DOCK4: variants seen among roughly 807,000 people sequenced by gnomAD.
DOCK4 encodes dedicator of cytokinesis 4.
DOCK4 carries 97 observed loss-of-function variants against 268.1 expected under a neutral mutation model. That is an observed-to-expected ratio of 0.36 (90% CI 0.31 to 0.43). The LOEUF is 0.43. DOCK4 is among the 20% of genes least tolerant of loss of function. The probability of loss-of-function intolerance (pLI) is 1.00; values close to 1 mark genes in which losing one functional copy is unlikely to be tolerated. For missense variants in DOCK4, 2,145 were observed against 2,455.7 expected (o/e 0.87, Z 2.67); for synonymous variants, 954 against 887.2 (o/e 1.08, Z -1.34).
At chr7:111,888,990 G>C (rs1188760972) in intron 16 of DOCK4, among the ~76,000 whole-genome samples, 2 of 152,058 alleles carry the variant, frequency 1.3e-5, no homozygotes, top group Non-Finnish European at 2.9e-5. Flanking sequence ...AAGCAAGTCA[G>C]GTCTCACTTA....
intron 1 of DOCK4, among the ~76,000 whole-genome samples, chr7:112,098,409 C>T (rs1027945559): frequency 6.6e-6 from 1 of 151,828 alleles, no homozygotes; most frequent in Non-Finnish European, 1.5e-5. Context: ...AAACTCCTGA[C>T]CTCATGAGCC....
chr7:111,907,887 C>T (rs1397985660), intron 13 of DOCK4, among the ~76,000 whole-genome samples: 1 of 152,046 alleles, frequency 6.6e-6, no homozygotes, highest in Non-Finnish European at 1.5e-5. Context: ...CGCCACCATG[C>T]CTGGCTAATT....
At chr7:112,039,592 T>C (rs1481725951) in intron 1 of DOCK4, among the ~76,000 whole-genome samples, 1 of 152,038 alleles carries the variant, frequency 6.6e-6, no homozygotes, top group Non-Finnish European at 1.5e-5. Flanking sequence ...TGCTGACCAC[T>C]TGCCCCCCGA....
intron 1 of DOCK4, among the ~76,000 whole-genome samples, chr7:112,191,051 G>T (rs192007143): frequency 7.0e-4 from 107 of 152,184 alleles, no homozygotes; most frequent in African/African-American, 1.9e-3. Context: ...TACCTTCTAG[G>T]CATCCCTGTT....
chr7:112,019,949 C>T (rs1204237589), intron 1 of DOCK4, among the ~76,000 whole-genome samples: 1 of 152,102 alleles, frequency 6.6e-6, no homozygotes, highest in Admixed American at 6.5e-5. Flanking sequence ...GGAGTTAAGC[C>T]TAGAACTAAG....
intron 26 of DOCK4, among the ~76,000 whole-genome samples, chr7:111,824,091 G>T (rs1032349089): frequency 6.6e-6 from 1 of 152,002 alleles, no homozygotes; most frequent in Non-Finnish European, 1.5e-5. Context: ...AGACAGATCC[G>T]GTCCATGTCT....
At chr7:111,923,140 T>C (rs1238822173) in intron 12 of DOCK4, among the ~76,000 whole-genome samples, 5 of 152,216 alleles carry the variant, frequency 3.3e-5, no homozygotes, top group African/African-American at 7.2e-5. Flanking sequence ...ATCATTTAGA[T>C]ACCATTTACA....
intron 23 of DOCK4, among the ~76,000 whole-genome samples, chr7:111,854,223 G>A (rs1456741126): frequency 6.6e-6 from 1 of 152,198 alleles, no homozygotes; most frequent in East Asian, 1.9e-4. Context: ...ACAGCCTGGT[G>A]CCACACCCTG....
chr7:111,794,099 A>T (rs1028497506), intron 30 of DOCK4, among the ~76,000 whole-genome samples: 2 of 152,182 alleles, frequency 1.3e-5, no homozygotes, highest in Non-Finnish European at 2.9e-5. Flanking sequence ...CTGGAGGGCC[A>T]AGTAGGTTAT....
chr7:111,795,508 C>T (rs966296834), intron 30 of DOCK4, among the ~76,000 whole-genome samples: 1 of 152,182 alleles, frequency 6.6e-6, no homozygotes, highest in African/African-American at 2.4e-5. Flanking sequence ...AAAGTCAACA[C>T]ACAGAACAAA....
chr7:112,029,995 A>G (rs1756446745), intron 1 of DOCK4, among the ~76,000 whole-genome samples: 1 of 152,266 alleles, frequency 6.6e-6, no homozygotes, highest in South Asian at 2.1e-4. Context: ...TCTTAATAGA[A>G]GCAAAGCAGC....
At chr7:111,991,416 T>C (rs966526192) in intron 5 of DOCK4, among the ~76,000 whole-genome samples, 1 of 152,208 alleles carries the variant, frequency 6.6e-6, no homozygotes, top group Non-Finnish European at 1.5e-5. Flanking sequence ...AAAAATGCTT[T>C]TGATTTAATG....
At chr7:112,057,332 A>G (rs1805909641) in intron 1 of DOCK4, among the ~76,000 whole-genome samples, 1 of 152,054 alleles carries the variant, frequency 6.6e-6, no homozygotes, top group Non-Finnish European at 1.5e-5. Flanking sequence ...AGGTGAATCA[A>G]CTGAGCTCAG....
intron 30 of DOCK4, among the ~76,000 whole-genome samples, chr7:111,795,793 TC>T (rs1266285963): frequency 6.6e-6 from 1 of 152,170 alleles, no homozygotes; most frequent in African/African-American, 2.4e-5. Context: ...GATGGGAAGC[TC>T]TGTGCCTAAG....
chr7:112,037,626 A>T (rs913287265), intron 1 of DOCK4, among the ~76,000 whole-genome samples: 1 of 152,232 alleles, frequency 6.6e-6, no homozygotes, highest in Non-Finnish European at 1.5e-5. Flanking sequence ...GTATATTAAT[A>T]GTCCTTTTAA....
intron 2 of DOCK4, among the ~76,000 whole-genome samples, chr7:112,003,480 AACAT>A (rs1367640310): frequency 1.3e-5 from 2 of 152,236 alleles, no homozygotes; most frequent in African/African-American, 4.8e-5. Flanking sequence ...CAGGAATGGA[AACAT>A]TTGAGAACCA....
chr7:112,104,023 G>T (rs1810920824), intron 1 of DOCK4, among the ~76,000 whole-genome samples: 2 of 152,126 alleles, frequency 1.3e-5, no homozygotes, highest in African/African-American at 4.8e-5. Flanking sequence ...ACTTCTGGGG[G>T]ACCACCTAGC....
intron 1 of DOCK4, among the ~76,000 whole-genome samples, chr7:112,197,856 T>C (rs1234886609): frequency 6.6e-6 from 1 of 151,984 alleles, no homozygotes; most frequent in Non-Finnish European, 1.5e-5. Context: ...GCAGACTCAC[T>C]TTCTACTAGA....
chr7:111,750,289 T>C (rs927877222), intron 42 of DOCK4, among the ~76,000 whole-genome samples: 1 of 152,198 alleles, frequency 6.6e-6, no homozygotes, highest in Non-Finnish European at 1.5e-5. Flanking sequence ...GTCTTATCTC[T>C]TTGTCAATTG....
Sources: gnomAD v4.1 joint callset for allele counts (sites outside exome capture counted in the v4.1 genomes callset) on GRCh38, gnomAD v4.1.1 for gene constraint, MANE v1.5 for transcripts, NCBI Gene and HGNC (gene_info 2026-07-23, HGNC 2026-07-21) for gene names.